The following FSCN2 variants were observed in gnomAD, a reference collection of about 807,000 sequenced individuals.
The protein encoded by FSCN2 is fascin actin-bundling protein 2, retinal, also known as fascin-2.
In FSCN2, 46 loss-of-function variants were observed where a neutral mutation model predicts 37.8. The observed-to-expected ratio is 1.22, with a 90% CI of 0.96 to 1.56. FSCN2 has a LOEUF of 1.56. Ranked by LOEUF, FSCN2 falls within the 40% of genes most tolerant of loss-of-function variation. FSCN2 has a pLI of 0.00. For synonymous variants in FSCN2, 351 were observed against 309.4 expected (o/e 1.13, Z -1.41); for missense variants, 844 against 730.4 (o/e 1.16, Z -1.79).
intron 2 of FSCN2, 141 bp downstream of exon 2, chr17:81,535,349 C>A: frequency 1.8e-6 from 1 of 562,458 alleles, no homozygotes; most frequent in Non-Finnish European, 3.1e-6. Context: ...TGACCACCAT[C>A]CCCATCTCCA....
At position 81,537,021 on chromosome 17, in the gene FSCN2, TCGGGCCTGCTG is replaced by T. The variant is rs2143909723; in HGVS notation, c.1427_1437del (p.Leu476ArgfsTer25). The stretch of plus-strand genomic sequence containing the variant: ...CGGCAAGTACCTGCGCGGCGGCGCC[TCGGGCCTGCTG>T]CGGGCCGATGCCGACGCCCCGGCCG... On this transcript the variant is annotated frameshift_variant, in exon 5 of 5. Coordinates refer to ENST00000417245, the MANE Select transcript of FSCN2 (RefSeq NM_012418.4). LOFTEE classifies it low-confidence loss of function (END_TRUNC). 1 of 1,500,974 alleles carries T rather than the reference TCGGGCCTGCTG, an allele frequency of 6.7e-7. No homozygotes were observed. Among genetic ancestry groups the T allele is most frequent in the Non-Finnish European group, 8.8e-7 (1 of 1,131,658 alleles). 93.0% of individuals were successfully genotyped at this position (1,500,974 alleles called of 1,614,324 possible). A position where few individuals can be genotyped will look rare whatever the true frequency, so the allele number is the denominator to read the frequency against.
chr17:81,523,422 G>A (rs113092094), upstream of FSCN2, among the ~76,000 whole-genome samples: 4,397 of 152,316 alleles, frequency 0.029, 222 homozygotes, highest in African/African-American at 0.098. Flanking sequence ...CAGCGGAGCC[G>A]ATAGCTCAGC....
Position 81,529,150 on chromosome 17 carries a change from C to G in FSCN2, c.619C>G (p.Arg207Gly), listed in dbSNP as rs782780345. ...CCGTCTGGTCTGGGAGCCTGAGCCC[C>G]GTGCCTGCTACACGCTGGAGTTCAA... is the stretch of plus-strand genomic sequence containing the variant. ...DGRLVWEPEP[R>G]ACYTLEFKAG... Residue 207 changes from arginine (R) to glycine (G), a missense_variant, in exon 1 of 5, where the codon CGT becomes GGT. Transcript: ENST00000417245. 6.3e-7 allele frequency: 1 copy of G among 1,585,392 alleles called. No homozygotes were observed. Among genetic ancestry groups the G allele is most frequent in the Non-Finnish European group, 8.6e-7 (1 of 1,167,402 alleles).
chr17:81,531,855 G>GTGGTGATGGTGATGA (rs1568078317), intron 1 of FSCN2, among the ~76,000 whole-genome samples: 6 of 92,046 alleles, frequency 6.5e-5, no homozygotes, highest in Admixed American at 1.0e-4. Flanking sequence ...GATGGTGATG[G>GTGGTGATGGTGATGA]TGGTGATGGC....
At chr17:81,517,655 C>T in the FSCN2 span, among the ~76,000 whole-genome samples, 1 of 152,102 alleles carries the variant, frequency 6.6e-6, no homozygotes, top group Non-Finnish European at 1.5e-5. Context: ...GAAGAAGGCT[C>T]CTTTCCCCAG....
At position 81,536,991 on chromosome 17, in the gene FSCN2, CGGAGCGGCAA is replaced by C; in HGVS notation, c.1392_1401del (p.Ser465ThrfsTer?). 1 of 1,526,538 alleles carries C rather than the reference CGGAGCGGCAA, an allele frequency of 6.6e-7. No individual in the cohort carries two copies. The highest frequency in any genetic ancestry group is 8.7e-7 in the Non-Finnish European group (1 of 1,144,652). The allele number at this position is 1,526,538 out of a possible 1,614,324, so 94.6% of individuals were successfully genotyped here. On this transcript the variant is annotated frameshift_variant, in exon 5 of 5. Transcript: ENST00000417245. LOFTEE classifies it low-confidence loss of function (END_TRUNC). ...GCGCGGCCGCCTGGCCATCCGCGCCCGGAGCGGCAAGTACCTGCGCGGCGGCGCCTCGGGC... is the reference window on the plus strand; with the variant it reads ...GCGCGGCCGCCTGGCCATCCGCGCCCGTACCTGCGCGGCGGCGCCTCGGGC...
At chr17:81,522,146 A>G in the FSCN2 span, among the ~76,000 whole-genome samples, 1 of 152,260 alleles carries the variant, frequency 6.6e-6, no homozygotes, top group African/African-American at 2.4e-5. Context: ...AGCTGGGATT[A>G]CAGGCGTGGA....
At chr17:81,525,844 G>A (rs1365510228), upstream of FSCN2, among the ~76,000 whole-genome samples, 1 of 152,228 alleles carries the variant, frequency 6.6e-6, no homozygotes, top group African/African-American at 2.4e-5. Flanking sequence ...GATCCTAGCA[G>A]GTGGCTGGGC....
In FSCN2 at chr17:81,536,390, A is replaced by C. The variant is rs2032878352; in HGVS notation, c.1105+123A>C. On this transcript the variant is annotated intron_variant, in intron 3 of 4. Coordinates refer to ENST00000417245, the MANE Select transcript of FSCN2 (RefSeq NM_012418.4). ...CCCAGCCCACGGAACGGGTGCTGTC[A>C]TGGAGTCATACTTGCTAGTCAAGAT... 2.1e-6 allele frequency: 3 copies of C among 1,437,476 alleles called. No individual in the cohort carries two copies. In the East Asian group the frequency reaches 7.5e-5, roughly 36 times the overall value. The allele number at this position is 1,437,476 out of a possible 1,614,324, so 89.0% of individuals were successfully genotyped here. A position where few individuals can be genotyped will look rare whatever the true frequency, so the allele number is the denominator to read the frequency against.
In FSCN2 at chr17:81,529,138, G is replaced by C; in HGVS notation, c.607G>C (p.Glu203Gln). 1 of 1,584,240 alleles carries C rather than the reference G, an allele frequency of 6.3e-7. No homozygotes were observed. The highest frequency in any genetic ancestry group is 8.6e-7 in the Non-Finnish European group (1 of 1,166,774). The change falls in exon 1 of 5, where the codon GAG becomes CAG. Residue 203 changes from glutamate to glutamine, a missense_variant. Glu to Gln is a conservative substitution (Grantham distance 29). Coordinates refer to ENST00000417245, the MANE Select transcript of FSCN2 (RefSeq NM_012418.4). ...YLRSDGRLVWEPEPRACYTLE... is the reference protein window; with the variant it reads ...YLRSDGRLVWQPEPRACYTLE... ...GCGCAGCGACGGCCGTCTGGTCTGGGAGCCTGAGCCCCGTGCCTGCTACAC... is the reference window on the plus strand; with the variant it reads ...GCGCAGCGACGGCCGTCTGGTCTGGCAGCCTGAGCCCCGTGCCTGCTACAC...
intron 1 of FSCN2, among the ~76,000 whole-genome samples, chr17:81,531,096 C>T (rs374625715): frequency 4.6e-5 from 7 of 151,614 alleles, no homozygotes; most frequent in South Asian, 2.1e-4. Context: ...TGCATGGTGG[C>T]GTGGAAGTGG....
chr17:81,537,082 G>T lies in FSCN2; in HGVS notation c.*2G>T. ...GGGACCGCGCTTTGGGAGTACTGAGGCCGCGCCCAGACCAGCCTGTCGCGC... is the reference window on the plus strand; with the variant it reads ...GGGACCGCGCTTTGGGAGTACTGAGTCCGCGCCCAGACCAGCCTGTCGCGC... On this transcript the variant is annotated 3_prime_UTR_variant, in exon 5 of 5. Transcript: ENST00000417245. The T allele has an allele frequency of 7.0e-7, 1 of 1,436,670 alleles. No individual in the cohort carries two copies. The highest frequency in any genetic ancestry group is 9.1e-7 in the Non-Finnish European group (1 of 1,101,286). The allele number at this position is 1,436,670 out of a possible 1,614,324, so 89.0% of individuals were successfully genotyped here.
intron 1 of FSCN2, among the ~76,000 whole-genome samples, chr17:81,532,710 ATGGTGG>A (rs201946721): frequency 2.0e-5 from 3 of 148,960 alleles, no homozygotes; most frequent in South Asian, 4.3e-4. Context: ...AGTGATAGTG[ATGGTGG>A]TGGTGATAGT....
chr17:81,528,337 G>A (rs574226342), upstream of FSCN2: 40 of 586,866 alleles, frequency 6.8e-5, no homozygotes, highest in African/African-American at 1.1e-4. Context: ...TCTGCTGCCC[G>A]CGGGCCCTCT....
At chr17:81,517,825 C>T in the FSCN2 span, among the ~76,000 whole-genome samples, 1 of 150,048 alleles carries the variant, frequency 6.7e-6, no homozygotes, top group African/African-American at 2.4e-5. Context: ...TTTGTGTTTC[C>T]CCTCAGGGTG....
In FSCN2 at chr17:81,532,296, A is replaced by ATGATGG. The variant is rs1257464904; in HGVS notation, c.827-2751_827-2750insGTGATG. Among the ~76,000 whole-genome samples, 374 of 98,942 alleles carry ATGATGG rather than the reference A, an allele frequency of 3.8e-3. 6 individuals carry two copies. The highest frequency in any genetic ancestry group is 0.013 in the African/African-American group (350 of 26,662). The allele number at this position is 98,942 out of a possible 152,430, so 64.9% of individuals were successfully genotyped here. A position where few individuals can be genotyped will look rare whatever the true frequency, so the allele number is the denominator to read the frequency against. The stretch of plus-strand genomic sequence containing the variant: ...GGTGGTGATGGTGATGGTGGTGATG[A>ATGATGG]TGATGATAGTGATGGCGATGATGGT... On this transcript the variant is annotated intron_variant, in intron 1 of 4. Transcript: ENST00000417245.
Position 81,537,129 on chromosome 17 carries a change from C to T in FSCN2, c.*49C>T, listed in dbSNP as rs1221431104. 3.8e-6 allele frequency: 5 copies of T among 1,323,602 alleles called. No individual in the cohort carries two copies. The highest frequency in any genetic ancestry group is 4.9e-6 in the Non-Finnish European group (5 of 1,023,594). The allele number at this position is 1,323,602 out of a possible 1,614,324, so 82.0% of individuals were successfully genotyped here. On this transcript the variant is annotated 3_prime_UTR_variant, in exon 5 of 5. Coordinates refer to ENST00000417245, the MANE Select transcript of FSCN2 (RefSeq NM_012418.4). ...GCGCATTAAAACCGTGTCTCTCCCG[C>T]AGCTGTGGGTGGGCCCCGGGGCGCC...
chr17:81,528,326 C>A, upstream of FSCN2: 4 of 585,130 alleles, frequency 6.8e-6, no homozygotes, highest in South Asian at 8.1e-5. Context: ...CCCGCCCGCC[C>A]TCTGCTGCCC....
At position 81,535,196 on chromosome 17, in the gene FSCN2, C is replaced by T. The variant is rs2143895184; in HGVS notation, c.971C>T (p.Thr324Ile). ...TLVTHGGIHA[T>I]ATQVSANTMF... ...GTCACCCATGGGGGCATTCACGCCA[C>T]AGCCACACAAGTGTGAGTGCACACA... Residue 324 changes from threonine (T) to isoleucine (I), a missense_variant, in exon 2 of 5, where the codon ACA becomes ATA. Coordinates refer to ENST00000417245, the MANE Select transcript of FSCN2 (RefSeq NM_012418.4). 1 of 1,531,848 alleles carries T rather than the reference C, an allele frequency of 6.5e-7. No individual in the cohort carries two copies. Among genetic ancestry groups the T allele is most frequent in the South Asian group, 1.2e-5 (1 of 83,540 alleles). 94.9% of individuals were successfully genotyped at this position (1,531,848 alleles called of 1,614,324 possible).
Sources: gnomAD v4.1 joint callset for allele counts (sites outside exome capture counted in the v4.1 genomes callset) on GRCh38, gnomAD v4.1.1 for gene constraint, MANE v1.5 for transcripts, NCBI Gene and HGNC (gene_info 2026-07-23, HGNC 2026-07-21) for gene names.